CFAP95: variants seen among roughly 807,000 people sequenced by gnomAD.
The protein encoded by CFAP95 is cilia- and flagella-associated protein 95.
At chr9:69,867,115 TG>T in the CFAP95 span, among the ~76,000 whole-genome samples, 2 of 152,214 alleles carry the variant, frequency 1.3e-5, no homozygotes, top group Non-Finnish European at 2.9e-5. Flanking sequence ...TGTTAGTATT[TG>T]GGGTTGTGAC....
chr9:69,850,503 T>C, the CFAP95 span, among the ~76,000 whole-genome samples: 1 of 152,192 alleles, frequency 6.6e-6, no homozygotes. Context: ...ACTAATGTCC[T>C]AAAAGGGATA....
At chr9:69,840,351 G>A in the CFAP95 span, among the ~76,000 whole-genome samples, 68 of 152,194 alleles carry the variant, frequency 4.5e-4, no homozygotes, top group African/African-American at 1.6e-3. Context: ...TCACAGAAAG[G>A]CTATAAGGCT....
At chr9:69,862,967 G>A in the CFAP95 span, among the ~76,000 whole-genome samples, 1 of 152,174 alleles carries the variant, frequency 6.6e-6, no homozygotes, top group East Asian at 1.9e-4. Context: ...CTAAAGAAAA[G>A]CGCTCTGTGA....
At chr9:69,820,870 G>A in the CFAP95 span, 1 of 1,613,506 alleles carries the variant, frequency 6.2e-7, no homozygotes, top group African/African-American at 1.3e-5. Flanking sequence ...TCTGTACCTC[G>A]AGGGCTCCCA....
At chr9:69,903,765 T>G in the CFAP95 span, among the ~76,000 whole-genome samples, 1 of 152,200 alleles carries the variant, frequency 6.6e-6, no homozygotes, top group East Asian at 1.9e-4. Context: ...CTTGCTCTGT[T>G]GCCCAGGCTG....
the CFAP95 span, among the ~76,000 whole-genome samples, chr9:69,871,615 G>C: frequency 6.6e-6 from 1 of 152,046 alleles, no homozygotes; most frequent in African/African-American, 2.4e-5. Context: ...CTTGAAGATT[G>C]ATTAATTACG....
At chr9:69,840,406 G>T in the CFAP95 span, among the ~76,000 whole-genome samples, 1 of 152,140 alleles carries the variant, frequency 6.6e-6, no homozygotes, top group Non-Finnish European at 1.5e-5. Context: ...GCTAAAGCCT[G>T]TTGTAGATAT....
chr9:69,825,163 T>A, the CFAP95 span, among the ~76,000 whole-genome samples: 29 of 152,374 alleles, frequency 1.9e-4, no homozygotes, highest in South Asian at 5.8e-3. Context: ...TAGTGATTTC[T>A]TATTTAATTG....
At chr9:69,845,264 G>T in the CFAP95 span, among the ~76,000 whole-genome samples, 1 of 152,186 alleles carries the variant, frequency 6.6e-6, no homozygotes, top group African/African-American at 2.4e-5. Flanking sequence ...TGTCTGTCCA[G>T]TCAGCATAAG....
At chr9:69,825,588 T>A in the CFAP95 span, among the ~76,000 whole-genome samples, 3 of 152,178 alleles carry the variant, frequency 2.0e-5, no homozygotes, top group Admixed American at 6.5e-5. Context: ...TAGGAATTAT[T>A]TTACCCCACT....
the CFAP95 span, among the ~76,000 whole-genome samples, chr9:69,865,281 C>A: frequency 1.3e-5 from 2 of 152,164 alleles, no homozygotes; most frequent in Non-Finnish European, 2.9e-5. Flanking sequence ...ATTACCCATT[C>A]TCGGACAGTT....
At chr9:69,890,346 A>C in the CFAP95 span, among the ~76,000 whole-genome samples, 1 of 152,184 alleles carries the variant, frequency 6.6e-6, no homozygotes, top group Non-Finnish European at 1.5e-5. Context: ...ATACCATGAC[A>C]GTTGTTTGCC....
At chr9:69,867,473 T>C in the CFAP95 span, among the ~76,000 whole-genome samples, 4 of 152,176 alleles carry the variant, frequency 2.6e-5, no homozygotes, top group Non-Finnish European at 5.9e-5. Flanking sequence ...ATTATGAAGA[T>C]AGGCTTATAT....
chr9:69,894,755 T>A, the CFAP95 span, among the ~76,000 whole-genome samples: 1 of 152,188 alleles, frequency 6.6e-6, no homozygotes, highest in Non-Finnish European at 1.5e-5. Flanking sequence ...TAGGCCTTGA[T>A]CTCACTTTAA....
chr9:69,870,055 T>C, the CFAP95 span, among the ~76,000 whole-genome samples: 2 of 152,212 alleles, frequency 1.3e-5, no homozygotes, highest in African/African-American at 4.8e-5. Context: ...GTATTTAATT[T>C]GATTCTGTAT....
the CFAP95 span, among the ~76,000 whole-genome samples, chr9:69,862,305 A>T: frequency 6.6e-6 from 1 of 152,226 alleles, no homozygotes; most frequent in African/African-American, 2.4e-5. Context: ...TTAGAAAATC[A>T]GCCCTTATTA....
chr9:69,893,170 C>G, the CFAP95 span, among the ~76,000 whole-genome samples: 3 of 152,160 alleles, frequency 2.0e-5, no homozygotes, highest in Non-Finnish European at 4.4e-5. Flanking sequence ...TCCATGGGCT[C>G]GCACAGAGTT....
the CFAP95 span, chr9:69,821,040 A>T: frequency 6.2e-7 from 1 of 1,612,244 alleles, no homozygotes; most frequent in Admixed American, 1.7e-5. Flanking sequence ...TGGTGAGCGA[A>T]GTCCCCTCGC....
the CFAP95 span, among the ~76,000 whole-genome samples, chr9:69,866,862 G>A: frequency 0.013 from 1,913 of 152,248 alleles, 36 homozygotes; most frequent in African/African-American, 0.043. Context: ...CCTAGGTCCC[G>A]GCTTGACATT....
Sources: gnomAD v4.1 joint callset for allele counts (sites outside exome capture counted in the v4.1 genomes callset) on GRCh38, gnomAD v4.1.1 for gene constraint, MANE v1.5 for transcripts, NCBI Gene and HGNC (gene_info 2026-07-23, HGNC 2026-07-21) for gene names.